C3orf49: variants seen among roughly 807,000 people sequenced by gnomAD.
The protein encoded by C3orf49 is putative uncharacterized protein C3orf49.
In C3orf49, 27 loss-of-function variants were observed where a neutral mutation model predicts 13.3. The observed-to-expected ratio is 2.02, with a 90% CI of 1.49 to 2.79. The LOEUF is 2.79. C3orf49 is among the 30% of genes most tolerant of loss of function. The pLI is 0.00. For synonymous variants in C3orf49, 87 were observed against 47.6 expected (o/e 1.83, Z -3.40); for missense variants, 242 against 134.2 (o/e 1.80, Z -3.97).
chr3:63,843,360 C>T (rs562308376), intron 5 of C3orf49, among the ~76,000 whole-genome samples: 20 of 152,044 alleles, frequency 1.3e-4, no homozygotes, highest in East Asian at 3.9e-4. Context: ...TCAAATGATC[C>T]GCCTACCTCG....
Position 63,827,716 on chromosome 3 carries a change from A to T in C3orf49, c.561A>T (p.Gly187=), listed in dbSNP as rs1252857799. The T allele has an allele frequency of 1.4e-6, 1 of 702,546 alleles. No individual in the cohort carries two copies. Among genetic ancestry groups the T allele is most frequent in the Non-Finnish European group, 2.6e-6 (1 of 384,910 alleles). 43.5% of individuals were successfully genotyped at this position (702,546 alleles called of 1,614,324 possible). A position where few individuals can be genotyped will look rare whatever the true frequency, so the allele number is the denominator to read the frequency against. ...KRLSVTSLPS[G]LQKGPYSPKK... ...TATCTGTGACATCTCTTCCTTCAGG[A>T]CTGCAAAAGGTAAAACGCTAAATGA... The change falls in exon 3 of 7, where the codon GGA becomes GGT. Residue 187 remains glycine (G), a synonymous_variant. Coordinates refer to ENST00000295896, the MANE Select transcript of C3orf49 (RefSeq NM_001355236.2).
At chr3:63,829,650 C>T (rs73120888) in intron 3 of C3orf49, among the ~76,000 whole-genome samples, 7,306 of 152,192 alleles carry the variant, frequency 0.048, 265 homozygotes, top group South Asian at 0.12. Flanking sequence ...GTTTAGCCCT[C>T]AGAATGTTCT....
intron 5 of C3orf49, among the ~76,000 whole-genome samples, chr3:63,832,668 G>T (rs1434907018): frequency 1.3e-5 from 2 of 149,274 alleles, no homozygotes; most frequent in Non-Finnish European, 3.0e-5. Context: ...TCTCAGAAAA[G>T]AAAAAAAAAG....
chr3:63,820,652 T>C (rs1269641631), intron 1 of C3orf49, among the ~76,000 whole-genome samples: 2 of 152,294 alleles, frequency 1.3e-5, no homozygotes, highest in East Asian at 3.9e-4. Flanking sequence ...TACATGTTTA[T>C]AGTAGTAGAA....
At chr3:63,838,329 C>A in intron 5 of C3orf49, 1 of 1,318,580 alleles carries the variant, frequency 7.6e-7, no homozygotes, top group East Asian at 2.4e-5. Flanking sequence ...TCCTTTAGAC[C>A]ATAAAAAATA....
At chr3:63,782,702 T>A in the C3orf49 span, 1 of 152,330 alleles carries the variant, frequency 6.6e-6, no homozygotes, top group South Asian at 2.1e-4. Context: ...TGGCTAACAT[T>A]TTGTTAAGGA....
At chr3:63,786,375 A>G in the C3orf49 span, among the ~76,000 whole-genome samples, 10 of 152,126 alleles carry the variant, frequency 6.6e-5, no homozygotes, top group Admixed American at 3.9e-4. Context: ...CTGTTCTCTT[A>G]TGTTCAGTAT....
chr3:63,834,255 C>T lies in C3orf49; in HGVS notation c.849+2411C>T, dbSNP rs1040768132. 4.6e-6 allele frequency: 7 copies of T among 1,529,776 alleles called. No homozygotes were observed. In the Admixed American group the frequency reaches 5.0e-5, roughly 11 times the overall value. 94.8% of individuals were successfully genotyped at this position (1,529,776 alleles called of 1,614,324 possible). On this transcript the variant is annotated intron_variant, in intron 5 of 6. Transcript: ENST00000295896. ...GTCAAGTTTGCCTATATTTTATATT[C>T]GATGAACACATGAAAACATGTTTAT...
At chr3:63,795,933 T>C in the C3orf49 span, among the ~76,000 whole-genome samples, 212 of 152,292 alleles carry the variant, frequency 1.4e-3, no homozygotes, top group Middle Eastern at 3.4e-3. Context: ...ATATGCAAAC[T>C]GCCAACGTGT....
chr3:63,846,245 T>C (rs1431900768), intron 6 of C3orf49: 1 of 447,838 alleles, frequency 2.2e-6, no homozygotes, highest in Admixed American at 2.4e-5. Context: ...ACAGTTTCCT[T>C]ATAAGAGAAT....
At chr3:63,836,029 T>C (rs889589718) in intron 5 of C3orf49, among the ~76,000 whole-genome samples, 3 of 152,038 alleles carry the variant, frequency 2.0e-5, no homozygotes, top group Non-Finnish European at 2.9e-5. Flanking sequence ...TTTATTCTTT[T>C]TAACTGAAAT....
intron 1 of C3orf49, among the ~76,000 whole-genome samples, chr3:63,822,428 T>C (rs532894603): frequency 2.0e-5 from 3 of 152,372 alleles, no homozygotes; most frequent in Admixed American, 6.5e-5. Flanking sequence ...GTAATAATTG[T>C]ATCACCGTAC....
At chr3:63,833,075 T>A (rs946564222) in intron 5 of C3orf49, among the ~76,000 whole-genome samples, 1 of 151,766 alleles carries the variant, frequency 6.6e-6, no homozygotes, top group Non-Finnish European at 1.5e-5. Context: ...AAAAAGATTA[T>A]AAATTCTTTA....
chr3:63,819,774 A>G (rs1468652134), intron 1 of C3orf49, among the ~76,000 whole-genome samples, 178 bp downstream of exon 1: 1 of 152,186 alleles, frequency 6.6e-6, no homozygotes, highest in African/African-American at 2.4e-5. Flanking sequence ...GATCAGAAAC[A>G]TCTTAATTGT....
At chr3:63,828,204 A>G (rs1701490477) in intron 3 of C3orf49, among the ~76,000 whole-genome samples, 1 of 152,232 alleles carries the variant, frequency 6.6e-6, no homozygotes, top group East Asian at 1.9e-4. Context: ...TAAAATGTAA[A>G]TAGCCATATG....
chr3:63,779,775 G>T, the C3orf49 span: 2 of 152,156 alleles, frequency 1.3e-5, no homozygotes, highest in Non-Finnish European at 1.5e-5. Flanking sequence ...ACAGAAGACG[G>T]CAATAGCATA....
At chr3:63,847,044 G>A (rs544064221) in intron 6 of C3orf49, among the ~76,000 whole-genome samples, 4 of 152,164 alleles carry the variant, frequency 2.6e-5, no homozygotes, top group Admixed American at 2.0e-4. Flanking sequence ...GGGCTAGAAC[G>A]CCTCCTAGTT....
upstream of C3orf49, among the ~76,000 whole-genome samples, chr3:63,816,769 C>CTTTT (rs543894356): frequency 4.5e-4 from 44 of 97,200 alleles, no homozygotes; most frequent in East Asian, 6.2e-4. Flanking sequence ...CTTTTCTTTT[C>CTTTT]TTTTTTTTTT....
At chr3:63,813,968 T>C in the C3orf49 span, among the ~76,000 whole-genome samples, 1 of 152,212 alleles carries the variant, frequency 6.6e-6, no homozygotes, top group Non-Finnish European at 1.5e-5. Context: ...TGTTCTACTC[T>C]ATGTATTTAC....
Sources: gnomAD v4.1 joint callset for allele counts (sites outside exome capture counted in the v4.1 genomes callset) on GRCh38, gnomAD v4.1.1 for gene constraint, MANE v1.5 for transcripts, NCBI Gene and HGNC (gene_info 2026-07-23, HGNC 2026-07-21) for gene names.